The following RIN2 variants were observed in gnomAD, a reference collection of about 807,000 sequenced individuals.
RIN2 encodes the protein Ras and Rab interactor 2.
A neutral mutation model predicts 78.0 loss-of-function variants in RIN2; 36 were observed. The ratio of observed to expected loss-of-function variants is 0.46; its 90% CI spans 0.35 to 0.61. The LOEUF (loss-of-function observed/expected upper bound fraction) is 0.61, where lower values mean the gene tolerates loss of function less well. Among genes scored for constraint, RIN2 ranks in the 20% least tolerant of loss-of-function variants. The probability of loss-of-function intolerance (pLI) is 0.00; values close to 1 mark genes in which losing one functional copy is unlikely to be tolerated. For missense variants in RIN2, 1,087 were observed against 1,159.7 expected (o/e 0.94, Z 0.91); for synonymous variants, 466 against 466.8 (o/e 1.00, Z 0.02).
Position 19,808,985 on chromosome 20 carries a change from G to T in RIN2, c.-37+9238G>T, listed in dbSNP as rs181514739. ...GATGCAGTCAGCACCCCAGGCTGGT[G>T]GGGGGCCTCATGTCACCCATGCCAC... On this transcript the variant is annotated intron_variant, in intron 2 of 12. Coordinates refer to ENST00000255006, the MANE Select transcript of RIN2 (RefSeq NM_018993.4). 3.3e-4 allele frequency among the ~76,000 whole-genome samples: 51 copies of T among 152,300 alleles called. 1 individual carries two copies. The highest frequency in any genetic ancestry group is 3.3e-3 in the Admixed American group (51 of 15,306).
At chr20:19,834,961 G>GAA (rs2036364522) in intron 2 of RIN2, among the ~76,000 whole-genome samples, 1 of 149,440 alleles carries the variant, frequency 6.7e-6, no homozygotes, top group Admixed American at 6.7e-5. Flanking sequence ...GAGAGAGAGA[G>GAA]AGAGAGAAAG....
chr20:19,918,399 G>T (rs1197707473), intron 3 of RIN2, among the ~76,000 whole-genome samples: 1 of 150,344 alleles, frequency 6.7e-6, no homozygotes, highest in Non-Finnish European at 1.5e-5. Context: ...GTGTGTCAAA[G>T]ATTGATTTAA....
At chr20:19,992,897 A>G (rs73901374) in intron 11 of RIN2, among the ~76,000 whole-genome samples, 3,127 of 152,272 alleles carry the variant, frequency 0.021, 126 homozygotes, top group African/African-American at 0.071. Context: ...AGGTGAAAAC[A>G]GTATTAATTT....
intron 2 of RIN2, among the ~76,000 whole-genome samples, chr20:19,844,698 C>CTCTTCTTCTTCTTCTTCTTCTTCTTCT (rs869169793): frequency 1.1e-4 from 3 of 26,310 alleles, no homozygotes; most frequent in African/African-American, 2.3e-4. Context: ...CTTCCTCTTC[C>CTCTTCTTCTTCTTCTTCTTCTTCTTCT]TCTTCTTCTT....
chr20:19,839,674 G>A (rs975609414), intron 2 of RIN2, among the ~76,000 whole-genome samples: 3 of 151,968 alleles, frequency 2.0e-5, no homozygotes, highest in African/African-American at 7.3e-5. Context: ...TCTCTCCTGG[G>A]CCTTTCTTCT....
At position 19,975,835 on chromosome 20, in the gene RIN2, G is replaced by T; in HGVS notation, c.1762+48G>T. 1 of 1,497,612 alleles carries T rather than the reference G, an allele frequency of 6.7e-7. No individual in the cohort carries two copies. The highest frequency in any genetic ancestry group is 1.2e-5 in the South Asian group (1 of 83,146). 92.8% of individuals were successfully genotyped at this position (1,497,612 alleles called of 1,614,324 possible). On this transcript the variant is annotated intron_variant, in intron 9 of 12. Coordinates refer to ENST00000255006, the MANE Select transcript of RIN2 (RefSeq NM_018993.4). This position sits in a 1 kb window ranked among gnomAD's most constrained non-coding sequence, Gnocchi z 4.9. ...TATAAAATCTATTGTAACTCTGTCC[G>T]GGCAGTGCAACCTATGTTTGTTATT...
At chr20:19,818,095 G>T in intron 2 of RIN2, among the ~76,000 whole-genome samples, 1 of 137,742 alleles carries the variant, frequency 7.3e-6, no homozygotes, top group African/African-American at 2.9e-5. Context: ...ACAAACCTGT[G>T]CAGCATGTAC....
intron 4 of RIN2, among the ~76,000 whole-genome samples, chr20:19,940,519 A>G (rs1275586697): frequency 1.3e-5 from 2 of 152,168 alleles, no homozygotes; most frequent in South Asian, 2.1e-4. Context: ...TGGCCAATAG[A>G]GTAGGAGCTG....
At chr20:19,898,986 G>T (rs2038861598) in intron 3 of RIN2, among the ~76,000 whole-genome samples, 3 of 152,154 alleles carry the variant, frequency 2.0e-5, no homozygotes, top group Non-Finnish European at 4.4e-5. Flanking sequence ...GCAATCAGAG[G>T]AAAATTCATA....
Position 19,789,624 on chromosome 20 carries a change from G to A in RIN2, c.-162-9998G>A, listed in dbSNP as rs2034825461. Among the ~76,000 whole-genome samples the A allele has an allele frequency of 2.0e-5, 3 of 152,158 alleles. No homozygotes were observed. In the South Asian group the frequency reaches 6.2e-4, roughly 32 times the overall value. On this transcript the variant is annotated intron_variant, in intron 1 of 12. Coordinates refer to ENST00000255006, the MANE Select transcript of RIN2 (RefSeq NM_018993.4). ...CTTTAGCTGCCTGCTCCCTGTAGGT[G>A]GCTCCTAATCTTATAACTGTTGTTC...
At chr20:19,760,435 C>T (rs565009975) in intron 1 of RIN2, among the ~76,000 whole-genome samples, 14 of 151,890 alleles carry the variant, frequency 9.2e-5, no homozygotes, top group Non-Finnish European at 1.8e-4. Context: ...TGGGAGGGAG[C>T]TTGACTCCCA....
At chr20:19,971,127 G>A (rs191332294) in intron 8 of RIN2, among the ~76,000 whole-genome samples, 198 bp downstream of exon 8, 28 of 152,228 alleles carry the variant, frequency 1.8e-4, no homozygotes, top group African/African-American at 6.7e-4. Flanking sequence ...GCATCTTCCT[G>A]GGGAGAGGCA....
intron 3 of RIN2, among the ~76,000 whole-genome samples, chr20:19,902,531 C>A (rs1223702044): frequency 1.3e-5 from 2 of 152,144 alleles, no homozygotes; most frequent in African/African-American, 4.8e-5. Context: ...GGAGGACATC[C>A]TTCCTCAAAG....
At chr20:19,880,616 C>T (rs1296071534) in intron 2 of RIN2, among the ~76,000 whole-genome samples, 1 of 151,904 alleles carries the variant, frequency 6.6e-6, no homozygotes, top group Non-Finnish European at 1.5e-5. Flanking sequence ...GATCCTTCTG[C>T]CTTGGCCTCC....
chr20:19,993,268 G>A (rs1167948322), intron 11 of RIN2, among the ~76,000 whole-genome samples: 3 of 148,530 alleles, frequency 2.0e-5, no homozygotes, highest in Non-Finnish European at 3.0e-5. Flanking sequence ...GGATTGTCAC[G>A]GTTTCGTTTT....
At chr20:19,815,342 T>C (rs2035732313) in intron 2 of RIN2, among the ~76,000 whole-genome samples, 1 of 152,224 alleles carries the variant, frequency 6.6e-6, no homozygotes, top group Admixed American at 6.5e-5. Flanking sequence ...AGTTCGATAG[T>C]AGTCAATAAA....
intron 2 of RIN2, among the ~76,000 whole-genome samples, chr20:19,859,090 A>G (rs2037253196): frequency 6.6e-6 from 1 of 152,220 alleles, no homozygotes; most frequent in African/African-American, 2.4e-5. Context: ...AAATACTTCC[A>G]TGCCAGGCCC....
At chr20:19,922,758 G>A (rs928000875) in intron 3 of RIN2, among the ~76,000 whole-genome samples, 1 of 152,198 alleles carries the variant, frequency 6.6e-6, no homozygotes, top group Non-Finnish European at 1.5e-5. Flanking sequence ...CCTGCTCCCA[G>A]GAAGCGCCCA....
chr20:20,001,367 T>TTTTTTTTTTTTTTTTTTTG lies in RIN2; in HGVS notation c.*449_*450insGTTTTTTTTTTTTTTTTTT, dbSNP rs2043139147. On this transcript the variant is annotated 3_prime_UTR_variant, in exon 13 of 13. Transcript: ENST00000255006. ...CCTTCCTTCCTTTCTTTTTCCTTTT[T>TTTTTTTTTTTTTTTTTTTG]TTTTTTTTTTTTTTTTTTTTTACAA... 7.9e-6 allele frequency: 1 copy of TTTTTTTTTTTTTTTTTTTG among 127,244 alleles called. No homozygotes were observed. The highest frequency in any genetic ancestry group is 1.6e-5 in the Non-Finnish European group (1 of 61,116). 7.9% of individuals were successfully genotyped at this position (127,244 alleles called of 1,614,324 possible).
Sources: gnomAD v4.1 joint callset for allele counts (sites outside exome capture counted in the v4.1 genomes callset) on GRCh38, gnomAD v4.1.1 for gene constraint, Gnocchi (gnomAD v3.1) non-coding constraint, MANE v1.5 for transcripts, NCBI Gene and HGNC (gene_info 2026-07-23, HGNC 2026-07-21) for gene names.